The following NTRK2 variants were observed in gnomAD, a reference collection of about 807,000 sequenced individuals.
NTRK2 encodes the protein BDNF/NT-3 growth factors receptor.
NTRK2 carries 13 observed loss-of-function variants against 94.5 expected under a neutral mutation model. That is an observed-to-expected ratio of 0.14 (90% CI 0.09 to 0.22). The LOEUF (loss-of-function observed/expected upper bound fraction) is 0.22. Ranked by LOEUF, NTRK2 falls within the 10% of genes least tolerant of loss-of-function variation. The pLI is 1.00. For missense variants in NTRK2, 639 were observed against 1,071.2 expected (o/e 0.60, Z 5.63); for synonymous variants, 372 against 407.4 (o/e 0.91, Z 1.05).
Position 85,020,195 on chromosome 9 carries a change from T to TG in NTRK2, c.2173-11_2173-10insG. 6.2e-7 allele frequency: 1 copy of TG among 1,613,986 alleles called. No individual in the cohort carries two copies. Among genetic ancestry groups the TG allele is most frequent in the Non-Finnish European group, 8.5e-7 (1 of 1,179,980 alleles). Reference sequence around the variant, plus strand: ...TGACTGATGCCTCCCTGTTGATCCCTTTCTCCCCAGGTCGGTGGCCACACA... The same window carrying TG: ...TGACTGATGCCTCCCTGTTGATCCCTGTTCTCCCCAGGTCGGTGGCCACACA... On this transcript the variant is annotated splice_polypyrimidine_tract_variant and intron_variant, in intron 17 of 18. Coordinates refer to ENST00000277120, the MANE Select transcript of NTRK2 (RefSeq NM_006180.6).
At chr9:84,990,648 A>AGAAC (rs1828940807) in intron 17 of NTRK2, among the ~76,000 whole-genome samples, 1 of 152,198 alleles carries the variant, frequency 6.6e-6, no homozygotes, top group African/African-American at 2.4e-5. Context: ...GGTTCCAAAG[A>AGAAC]GAACATTTGT....
At chr9:84,893,691 C>T (rs1052472753) in intron 14 of NTRK2, among the ~76,000 whole-genome samples, 3 of 152,042 alleles carry the variant, frequency 2.0e-5, no homozygotes, top group African/African-American at 7.3e-5. Context: ...TTCCATGAGA[C>T]AAAGGAGGAA....
chr9:84,915,938 G>T (rs2132530212), intron 14 of NTRK2, among the ~76,000 whole-genome samples: 1 of 152,134 alleles, frequency 6.6e-6, no homozygotes, highest in East Asian at 1.9e-4. Context: ...GATTATGAAG[G>T]AGGCATTTGA....
At chr9:84,689,263 C>A (rs968725878) in intron 2 of NTRK2, among the ~76,000 whole-genome samples, 1 of 152,242 alleles carries the variant, frequency 6.6e-6, no homozygotes, top group Non-Finnish European at 1.5e-5. Context: ...CGCTGGTTCC[C>A]TTATGGCAAC....
At chr9:85,008,155 C>T (rs758567366) in intron 17 of NTRK2, among the ~76,000 whole-genome samples, 25 of 151,868 alleles carry the variant, frequency 1.6e-4, no homozygotes, top group Non-Finnish European at 7.4e-5. Context: ...AGGGAACTGA[C>T]AGCATCACTA....
chr9:84,919,013 C>G (rs957648574), intron 14 of NTRK2, among the ~76,000 whole-genome samples: 2 of 152,158 alleles, frequency 1.3e-5, no homozygotes, highest in Non-Finnish European at 2.9e-5. Flanking sequence ...CTTCATCTAA[C>G]CTTCAAGCTC....
intron 6 of NTRK2, among the ~76,000 whole-genome samples, chr9:84,713,899 T>C (rs78704635): frequency 6.6e-6 from 1 of 151,716 alleles, no homozygotes; most frequent in Non-Finnish European, 1.5e-5. Flanking sequence ...TTTTTTTTTT[T>C]AATTCTGCTT....
chr9:84,956,926 A>C (rs556613581), intron 17 of NTRK2, among the ~76,000 whole-genome samples: 1 of 152,008 alleles, frequency 6.6e-6, no homozygotes, highest in Admixed American at 6.6e-5. Flanking sequence ...GACCACATGG[A>C]AAAAGATTCT....
chr9:84,920,150 G>A (rs2077516939), intron 14 of NTRK2, among the ~76,000 whole-genome samples: 1 of 152,154 alleles, frequency 6.6e-6, no homozygotes, highest in Admixed American at 6.5e-5. Context: ...TGGCTAGCAA[G>A]GATCTCACTC....
Position 84,997,020 on chromosome 9 carries a change from C to CT in NTRK2, c.2173-23185dup, listed in dbSNP as rs564881427. 3.2e-4 allele frequency among the ~76,000 whole-genome samples: 48 copies of CT among 152,354 alleles called. No individual in the cohort carries two copies. In the South Asian group the frequency reaches 5.8e-3, roughly 18 times the overall value. On this transcript the variant is annotated intron_variant, in intron 17 of 18. Coordinates refer to ENST00000277120, the MANE Select transcript of NTRK2 (RefSeq NM_006180.6). ...CACCTGGGGCTTTGTTCACATTCAACTGGGTGATAAGCAGCATGTGTCTGC... is the reference window on the plus strand; with the variant it reads ...CACCTGGGGCTTTGTTCACATTCAACTTGGGTGATAAGCAGCATGTGTCTGC...
intron 17 of NTRK2, among the ~76,000 whole-genome samples, chr9:84,968,907 A>G (rs144261224): frequency 6.6e-6 from 1 of 151,202 alleles, no homozygotes; most frequent in African/African-American, 2.5e-5. Flanking sequence ...CTTGAATCCA[A>G]AGATGGGTTC....
chr9:84,812,451 G>A, intron 12 of NTRK2: 3 of 1,053,652 alleles, frequency 2.8e-6, no homozygotes, highest in Non-Finnish European at 3.4e-6. Flanking sequence ...CCCCAATGTG[G>A]GGAGGTCCGA....
rs537110748 is a variant in NTRK2 at position 84,711,228 on chromosome 9, A to G, written c.583+437A>G. Reference sequence around the variant, plus strand: ...AGCACAAGCAAATCCAATTCAATCCAGCACATTCCCTTAAACTTGTCTTAC... The same window carrying G: ...AGCACAAGCAAATCCAATTCAATCCGGCACATTCCCTTAAACTTGTCTTAC... On this transcript the variant is annotated intron_variant, in intron 6 of 18. Transcript: ENST00000277120. Among the ~76,000 whole-genome samples, 3 of 152,334 alleles carry G rather than the reference A, an allele frequency of 2.0e-5. No homozygotes were observed. The East Asian group carries it at 5.8e-4, about 29-fold the overall frequency.
chr9:84,891,716 C>T (rs1000320076), intron 14 of NTRK2, among the ~76,000 whole-genome samples: 1 of 152,108 alleles, frequency 6.6e-6, no homozygotes, highest in African/African-American at 2.4e-5. Flanking sequence ...GACTGAATCC[C>T]AAAGCTAAAT....
chr9:84,888,293 T>C (rs1314507588), intron 14 of NTRK2, among the ~76,000 whole-genome samples: 1 of 152,038 alleles, frequency 6.6e-6, no homozygotes, highest in Non-Finnish European at 1.5e-5. Context: ...CAATTTCTTA[T>C]AGATGAGGAA....
chr9:84,853,176 T>C (rs980943362), intron 12 of NTRK2, among the ~76,000 whole-genome samples: 2 of 152,188 alleles, frequency 1.3e-5, no homozygotes, highest in Non-Finnish European at 2.9e-5. Flanking sequence ...TATAAGGCCA[T>C]GTGTCAATCT....
intron 14 of NTRK2, among the ~76,000 whole-genome samples, chr9:84,904,545 T>G (rs2077019316): frequency 6.6e-6 from 1 of 152,216 alleles, no homozygotes; most frequent in Non-Finnish European, 1.5e-5. Flanking sequence ...ATCTCAAATT[T>G]CTGTGAATGT....
intron 14 of NTRK2, chr9:84,872,556 C>T (rs141646010): frequency 9.4e-7 from 1 of 1,064,310 alleles, no homozygotes; most frequent in Middle Eastern, 4.2e-4. Flanking sequence ...TCTTCATGTG[C>T]CTAGGGCTAG....
intron 15 of NTRK2, among the ~76,000 whole-genome samples, chr9:84,944,213 TCTCACACACACACACA>T (rs1397364685): frequency 3.0e-4 from 41 of 136,886 alleles, no homozygotes; most frequent in African/African-American, 1.1e-3. Flanking sequence ...TCTCTCTCTC[TCTCACACACACACACA>T]CACACACACA....
Sources: gnomAD v4.1 joint callset for allele counts (sites outside exome capture counted in the v4.1 genomes callset) on GRCh38, gnomAD v4.1.1 for gene constraint, MANE v1.5 for transcripts, NCBI Gene and HGNC (gene_info 2026-07-23, HGNC 2026-07-21) for gene names.